LYPD6B: variants seen among roughly 807,000 people sequenced by gnomAD.
The protein encoded by LYPD6B is ly6/PLAUR domain-containing protein 6B.
In LYPD6B, 17 loss-of-function variants were observed where a neutral mutation model predicts 22.8. That is an observed-to-expected ratio of 0.75 (90% CI 0.51 to 1.12). LYPD6B has a LOEUF of 1.12. LYPD6B is among the 50% of genes most tolerant of loss of function. The pLI is 0.00. For synonymous variants in LYPD6B, 106 were observed against 91.6 expected, an observed-to-expected ratio of 1.16 and a Z score of -0.90; for missense variants, 221 against 258.3, an observed-to-expected ratio of 0.86 and a Z score of 0.99.
In LYPD6B at chr2:149,205,364, C is replaced by G. The variant is rs749555752; in HGVS notation, c.189C>G (p.Ala63=). The G allele has an allele frequency of 6.2e-7, 1 of 1,613,984 alleles. No homozygotes were observed. The highest frequency in any genetic ancestry group is 1.1e-5 in the South Asian group (1 of 91,084). The change falls in exon 4 of 7, where the codon GCC becomes GCG. Residue 63 remains alanine (A), a synonymous_variant. Coordinates refer to ENST00000409642, the MANE Select transcript of LYPD6B (RefSeq NM_177964.5). ...TCTTCTCAGAAAGCTGGGCATTTGC[C>G]AAGAACATCAACTTCTATAATGTGA... is the stretch of plus-strand genomic sequence containing the variant. ...IVIFSESWAF[A]KNINFYNVRP...
rs1684707742 is a variant in LYPD6B, at chr2:149,073,233, G to T, written c.-67+34432G>T. ...AGCTTCTCTTGCTTTTCACTAGCAG[G>T]CCCAGCCCAGTATATCTCTTGGTCT... is the stretch of plus-strand genomic sequence containing the variant. On this transcript the variant is annotated intron_variant, in intron 1 of 6. Transcript: ENST00000409642. 2.0e-5 allele frequency among the ~76,000 whole-genome samples: 3 copies of T among 152,288 alleles called. No individual in the cohort carries two copies. The South Asian group carries it at 6.2e-4, about 32-fold the overall frequency.
At chr2:149,202,248 A>T (rs934646620) in intron 3 of LYPD6B, among the ~76,000 whole-genome samples, 2 of 152,158 alleles carry the variant, frequency 1.3e-5, no homozygotes, top group African/African-American at 4.8e-5. Flanking sequence ...AAATTCAAAA[A>T]TTTCTTGATT....
chr2:149,040,647 C>A lies in LYPD6B; in HGVS notation c.-67+1846C>A, dbSNP rs1166416633. Among the ~76,000 whole-genome samples, 3 of 152,296 alleles carry A rather than the reference C, an allele frequency of 2.0e-5. No homozygotes were observed. In the East Asian group the frequency reaches 5.8e-4, roughly 29 times the overall value. ...GACTGTGATTGATAGACTGGCCCAC[C>A]TCTGCTGCAAGGCATGTCGGTAGGG... On this transcript the variant is annotated intron_variant, in intron 1 of 6. Transcript: ENST00000409642.
Position 149,080,858 on chromosome 2 carries a change from A to C in LYPD6B, c.-67+42057A>C, listed in dbSNP as rs1361891787. Among the ~76,000 whole-genome samples the C allele has an allele frequency of 3.0e-5, 4 of 133,248 alleles. No homozygotes were observed. In the East Asian group the frequency reaches 8.0e-4, roughly 27 times the overall value. The allele number at this position is 133,248 out of a possible 152,430, so 87.4% of individuals were successfully genotyped here. Reference sequence around the variant, plus strand: ...CTCTATCTCAAAAAAAAAAAAAAAAAAAAAAAAAACCACACAAAAAAATTC... The same window carrying C: ...CTCTATCTCAAAAAAAAAAAAAAAACAAAAAAAAACCACACAAAAAAATTC... On this transcript the variant is annotated intron_variant, in intron 1 of 6. Coordinates refer to ENST00000409642, the MANE Select transcript of LYPD6B (RefSeq NM_177964.5).
chr2:149,135,723 A>C (rs1688327118), intron 2 of LYPD6B, among the ~76,000 whole-genome samples: 2 of 147,776 alleles, frequency 1.4e-5, no homozygotes, highest in African/African-American at 5.2e-5. Context: ...ATGTCTCAAA[A>C]AAAAAAAAAA....
chr2:149,188,064 A>C (rs1324815605), intron 3 of LYPD6B, among the ~76,000 whole-genome samples: 3 of 152,178 alleles, frequency 2.0e-5, no homozygotes, highest in Admixed American at 6.5e-5. Flanking sequence ...CCTAAGATTC[A>C]ATGACTAGGG....
chr2:149,204,352 C>T (rs756110287), intron 3 of LYPD6B, among the ~76,000 whole-genome samples: 2 of 152,190 alleles, frequency 1.3e-5, no homozygotes, highest in East Asian at 3.8e-4. Flanking sequence ...CTGCCCACAC[C>T]TCCTCCTTGT....
At chr2:149,111,125 G>A (rs138890479) in intron 1 of LYPD6B, among the ~76,000 whole-genome samples, 1 of 152,098 alleles carries the variant, frequency 6.6e-6, no homozygotes, top group African/African-American at 2.4e-5. Flanking sequence ...GTAAGGGAGA[G>A]AATAGTAGGA....
At chr2:149,115,221 G>A (rs1458962436) in intron 1 of LYPD6B, among the ~76,000 whole-genome samples, 2 of 152,186 alleles carry the variant, frequency 1.3e-5, no homozygotes, top group Non-Finnish European at 2.9e-5. Flanking sequence ...TTACAGGTGT[G>A]AGCCACCATG....
chr2:149,205,204 A>G, intron 3 of LYPD6B, 49 bp from the exon 4 acceptor site: 2 of 1,557,172 alleles, frequency 1.3e-6, no homozygotes, highest in Non-Finnish European at 1.7e-6. Flanking sequence ...ACACAAACCC[A>G]CTGATGTAAA....
In LYPD6B at chr2:149,205,346, A is replaced by G; in HGVS notation, c.171A>G (p.Ser57=). Residue 57 remains serine (S), a synonymous_variant, in exon 4 of 7, where the codon TCA becomes TCG. Coordinates refer to ENST00000409642, the MANE Select transcript of LYPD6B (RefSeq NM_177964.5). ...AIAVVQIVIF[S]ESWAFAKNIN... is the part of the protein sequence containing the mutation. ...CTGTTGTCCAGATCGTTATCTTCTC[A>G]GAAAGCTGGGCATTTGCCAAGAACA... 1.2e-6 allele frequency: 2 copies of G among 1,614,024 alleles called. No homozygotes were observed. Among genetic ancestry groups the G allele is most frequent in the South Asian group, 1.1e-5 (1 of 91,082 alleles).
intron 2 of LYPD6B, among the ~76,000 whole-genome samples, chr2:149,157,314 A>C (rs2105863581): frequency 9.0e-6 from 1 of 111,402 alleles, no homozygotes; most frequent in Non-Finnish European, 2.2e-5. Context: ...TTGCTCTAGA[A>C]GTCAGTCTAA....
Position 149,146,171 on chromosome 2 carries a change from T to C in LYPD6B, c.6-14593T>C, listed in dbSNP as rs148374412. On this transcript the variant is annotated intron_variant, in intron 2 of 6. Transcript: ENST00000409642. ...GTGCAAGAGACAGATATTAATCATG[T>C]AATTATACAAGCACGTGCAAAATTG... Among the ~76,000 whole-genome samples the C allele has an allele frequency of 9.8e-4, 150 of 152,322 alleles. 1 individual carries two copies. The highest frequency in any genetic ancestry group is 3.5e-3 in the African/African-American group (145 of 41,574).
At chr2:149,063,130 A>G (rs1181276793) in intron 1 of LYPD6B, among the ~76,000 whole-genome samples, 1 of 152,154 alleles carries the variant, frequency 6.6e-6, no homozygotes, top group Non-Finnish European at 1.5e-5. Context: ...GCAAATTTAT[A>G]TGGTACATTT....
intron 1 of LYPD6B, among the ~76,000 whole-genome samples, chr2:149,082,041 CT>C (rs1685159898): frequency 1.3e-5 from 2 of 152,148 alleles, no homozygotes; most frequent in South Asian, 4.1e-4. Flanking sequence ...TCCCACACTT[CT>C]TTTTTACACA....
At chr2:149,058,782 G>A (rs982396494) in intron 1 of LYPD6B, among the ~76,000 whole-genome samples, 2 of 152,196 alleles carry the variant, frequency 1.3e-5, no homozygotes, top group African/African-American at 4.8e-5. Flanking sequence ...ACGACGCCCA[G>A]CTAATTTTTG....
intron 3 of LYPD6B, among the ~76,000 whole-genome samples, chr2:149,187,881 G>T (rs915367398): frequency 2.0e-5 from 3 of 152,238 alleles, no homozygotes; most frequent in African/African-American, 7.2e-5. Flanking sequence ...GTATAAATTG[G>T]ATTATTTTAT....
At chr2:149,112,422 A>G (rs1392301733) in intron 1 of LYPD6B, among the ~76,000 whole-genome samples, 1 of 152,208 alleles carries the variant, frequency 6.6e-6, no homozygotes, top group Non-Finnish European at 1.5e-5. Context: ...TATGGTATAC[A>G]TAGTACGTTT....
intron 1 of LYPD6B, among the ~76,000 whole-genome samples, chr2:149,121,332 C>T (rs1241661759): frequency 6.6e-6 from 1 of 152,110 alleles, no homozygotes; most frequent in Non-Finnish European, 1.5e-5. Context: ...TTATGCAATT[C>T]ATCTTAATGG....
Sources: gnomAD v4.1 joint callset for allele counts (sites outside exome capture counted in the v4.1 genomes callset) on GRCh38, gnomAD v4.1.1 for gene constraint, MANE v1.5 for transcripts, NCBI Gene and HGNC (gene_info 2026-07-23, HGNC 2026-07-21) for gene names.